Variants in ABTB3 observed in about 807,000 individuals in gnomAD.
ABTB3 encodes the protein ankyrin repeat and BTB domain containing 3, also known as ankyrin repeat- and BTB/POZ domain-containing protein 3.
chr12:107,364,580 C>T, the ABTB3 span, among the ~76,000 whole-genome samples: 1 of 152,124 alleles, frequency 6.6e-6, no homozygotes, highest in Non-Finnish European at 1.5e-5. Context: ...CGTGAACCAC[C>T]TCTTCTGGCC....
At chr12:107,640,650 A>G in the ABTB3 span, among the ~76,000 whole-genome samples, 32,593 of 152,042 alleles carry the variant, frequency 0.21, 4,065 homozygotes, top group African/African-American at 0.34. Flanking sequence ...CATGGATTGG[A>G]TTTTGGCTCC....
chr12:107,342,360 G>C, the ABTB3 span, among the ~76,000 whole-genome samples: 1 of 152,080 alleles, frequency 6.6e-6, no homozygotes, highest in Admixed American at 6.5e-5. Context: ...GGTGTAGTTG[G>C]CTTGCTCTGT....
At chr12:107,598,709 A>G in the ABTB3 span, among the ~76,000 whole-genome samples, 8 of 152,382 alleles carry the variant, frequency 5.2e-5, no homozygotes, top group East Asian at 1.9e-4. Flanking sequence ...ACCAGAAGAC[A>G]TGTAATAAAC....
chr12:107,621,583 T>C, the ABTB3 span, among the ~76,000 whole-genome samples: 1 of 152,208 alleles, frequency 6.6e-6, no homozygotes, highest in African/African-American at 2.4e-5. Context: ...AAACTTTACT[T>C]TGAGGTATGA....
chr12:107,421,882 G>C, the ABTB3 span, among the ~76,000 whole-genome samples: 16 of 152,146 alleles, frequency 1.1e-4, no homozygotes, highest in East Asian at 2.7e-3. Flanking sequence ...TCAGGCTCTC[G>C]ACAAATACTT....
chr12:107,547,550 A>AAC, the ABTB3 span, among the ~76,000 whole-genome samples: 1 of 152,168 alleles, frequency 6.6e-6, no homozygotes, highest in Non-Finnish European at 1.5e-5. Flanking sequence ...GAGCAAAGAG[A>AAC]ACATGTCCCA....
the ABTB3 span, among the ~76,000 whole-genome samples, chr12:107,337,551 C>T: frequency 1.1e-4 from 17 of 152,194 alleles, no homozygotes; most frequent in African/African-American, 3.6e-4. Context: ...CCGATGATGT[C>T]GGTGTTACTA....
the ABTB3 span, among the ~76,000 whole-genome samples, chr12:107,474,721 A>C: frequency 9.5e-3 from 1,442 of 152,280 alleles, 36 homozygotes; most frequent in African/African-American, 0.033. Context: ...GAAAAGCCTT[A>C]ACTTGTTATT....
chr12:107,338,173 A>C, the ABTB3 span, among the ~76,000 whole-genome samples: 1 of 152,156 alleles, frequency 6.6e-6, no homozygotes, highest in Non-Finnish European at 1.5e-5. Flanking sequence ...CCACTTCCTC[A>C]GGGACCAAAC....
At chr12:107,432,134 CT>C in the ABTB3 span, among the ~76,000 whole-genome samples, 1 of 152,298 alleles carries the variant, frequency 6.6e-6, no homozygotes, top group Non-Finnish European at 1.5e-5. Context: ...CTGTCTAACC[CT>C]ATTGAGGTTA....
the ABTB3 span, among the ~76,000 whole-genome samples, chr12:107,569,282 T>C: frequency 0.51 from 77,812 of 152,008 alleles, 20,093 homozygotes; most frequent in East Asian, 0.62. Flanking sequence ...GTTTTAGAAT[T>C]GATCTGTTAA....
the ABTB3 span, among the ~76,000 whole-genome samples, chr12:107,389,950 T>C: frequency 6.6e-6 from 1 of 152,074 alleles, no homozygotes. Flanking sequence ...TTCCATGATG[T>C]CTTTCCATGT....
the ABTB3 span, among the ~76,000 whole-genome samples, chr12:107,614,669 A>T: frequency 1.3e-5 from 2 of 152,336 alleles, no homozygotes; most frequent in South Asian, 2.1e-4. Flanking sequence ...AGCACCTGAG[A>T]GGCGATCAGA....
At chr12:107,318,733 G>C in the ABTB3 span, 2 of 556,430 alleles carry the variant, frequency 3.6e-6, no homozygotes, top group Non-Finnish European at 6.1e-6. Context: ...CCGGACTCTG[G>C]AAGATGACTC....
At chr12:107,542,928 CTTG>C in the ABTB3 span, among the ~76,000 whole-genome samples, 2 of 152,144 alleles carry the variant, frequency 1.3e-5, no homozygotes, top group African/African-American at 4.8e-5. Flanking sequence ...AGGAGTTGGT[CTTG>C]TTGTATGATG....
At chr12:107,435,225 G>GT in the ABTB3 span, among the ~76,000 whole-genome samples, 669 of 152,282 alleles carry the variant, frequency 4.4e-3, 3 homozygotes, top group African/African-American at 0.015. Flanking sequence ...GAATCAGTGC[G>GT]TACCCACCAT....
chr12:107,377,502 G>A, the ABTB3 span, among the ~76,000 whole-genome samples: 1 of 151,636 alleles, frequency 6.6e-6, no homozygotes, highest in Admixed American at 6.6e-5. Flanking sequence ...TGCTTCTTGG[G>A]AATCCCAACT....
chr12:107,325,935 TG>T, the ABTB3 span, among the ~76,000 whole-genome samples: 4 of 152,216 alleles, frequency 2.6e-5, no homozygotes, highest in African/African-American at 9.7e-5. Context: ...GATGGAGTTT[TG>T]CTCTTGTTGC....
chr12:107,359,039 G>A, the ABTB3 span, among the ~76,000 whole-genome samples: 1 of 152,358 alleles, frequency 6.6e-6, no homozygotes, highest in African/African-American at 2.4e-5. Context: ...GCAGCAGCAG[G>A]TGTGGCATGG....
Sources: allele counts gnomAD v4.1 joint callset (sites outside exome capture counted in the v4.1 genomes callset), GRCh38; gene constraint gnomAD v4.1.1; transcripts MANE v1.5; gene names NCBI Gene and HGNC (gene_info 2026-07-23, HGNC 2026-07-21).